The following PHKB variants were observed in gnomAD, a reference collection of about 807,000 sequenced individuals.
PHKB encodes the protein phosphorylase b kinase regulatory subunit beta.
A neutral mutation model predicts 152.1 loss-of-function variants in PHKB; 122 were observed. The ratio of observed to expected loss-of-function variants is 0.80; its 90% CI spans 0.69 to 0.93. The LOEUF is 0.93. PHKB is among the 40% of genes least tolerant of loss of function. PHKB has a pLI of 0.00. For synonymous variants in PHKB, 436 were observed against 464.9 expected (o/e 0.94, Z 0.80); for missense variants, 1,304 against 1,328.4 (o/e 0.98, Z 0.29).
intron 13 of PHKB, among the ~76,000 whole-genome samples, chr16:47,606,862 C>T (rs1167940508): frequency 6.6e-6 from 1 of 152,138 alleles, no homozygotes; most frequent in Non-Finnish European, 1.5e-5. Context: ...TAGTGCCTTC[C>T]TCCCCACTGC....
At chr16:47,510,874 GTA>G (rs1002906044) in intron 4 of PHKB, among the ~76,000 whole-genome samples, 3 of 152,028 alleles carry the variant, frequency 2.0e-5, no homozygotes, top group African/African-American at 7.2e-5. Flanking sequence ...TTACCTAGAG[GTA>G]TATATCTTTG....
At chr16:47,653,284 AT>A (rs1237148592) in intron 20 of PHKB, among the ~76,000 whole-genome samples, 1 of 152,276 alleles carries the variant, frequency 6.6e-6, no homozygotes, top group East Asian at 1.9e-4. Context: ...TAATCCTTGT[AT>A]CTCCTGCTCT....
At chr16:47,547,014 G>T (rs1971182183) in intron 6 of PHKB, among the ~76,000 whole-genome samples, 1 of 152,162 alleles carries the variant, frequency 6.6e-6, no homozygotes, top group Non-Finnish European at 1.5e-5. Context: ...GTCTGTCAAG[G>T]CTTCCCTTGG....
intron 13 of PHKB, among the ~76,000 whole-genome samples, chr16:47,600,788 T>C (rs904555725): frequency 6.6e-6 from 1 of 152,240 alleles, no homozygotes; most frequent in Non-Finnish European, 1.5e-5. Flanking sequence ...TACATGAAGA[T>C]ACAGTATTGT....
intron 7 of PHKB, 74 bp downstream of exon 7, chr16:47,547,622 A>T (rs1971196876): frequency 1.2e-6 from 1 of 854,092 alleles, no homozygotes; most frequent in African/African-American, 1.7e-5. Flanking sequence ...ATACTGAAGC[A>T]TTAGATTGGA....
At chr16:47,615,770 A>G (rs1009164813) in intron 14 of PHKB, among the ~76,000 whole-genome samples, 19 of 152,342 alleles carry the variant, frequency 1.2e-4, no homozygotes, top group African/African-American at 4.6e-4. Context: ...ATAGTGGATA[A>G]TGTATGTTCG....
intron 3 of PHKB, among the ~76,000 whole-genome samples, chr16:47,501,620 G>T (rs1370621225): frequency 6.6e-6 from 1 of 152,104 alleles, no homozygotes; most frequent in African/African-American, 2.4e-5. Context: ...AAACAATGAA[G>T]AAAATATTAT....
chr16:47,589,736 A>G (rs1255799633), intron 10 of PHKB, among the ~76,000 whole-genome samples: 1 of 152,224 alleles, frequency 6.6e-6, no homozygotes, highest in Non-Finnish European at 1.5e-5. Context: ...AGTCATGCAC[A>G]TTGCTGAAGA....
chr16:47,699,600 A>G lies in PHKB; in HGVS notation c.*234A>G. On this transcript the variant is annotated 3_prime_UTR_variant, in exon 31 of 31. Transcript: ENST00000323584. ...TCATGATTATGCCAACTATAATAGT[A>G]ATCCTCACTGAGTGATAAAAATAGT... 1.8e-6 allele frequency: 1 copy of G among 569,698 alleles called. No homozygotes were observed. The highest frequency in any genetic ancestry group is 3.2e-6 in the Non-Finnish European group (1 of 315,746). The allele number at this position is 569,698 out of a possible 1,614,324, so 35.3% of individuals were successfully genotyped here.
intron 1 of PHKB, among the ~76,000 whole-genome samples, chr16:47,465,273 T>C (rs1177586368): frequency 6.6e-6 from 1 of 152,236 alleles, no homozygotes; most frequent in Non-Finnish European, 1.5e-5. Flanking sequence ...CAAGCTCTGT[T>C]TTCCATCTTG....
At chr16:47,551,819 AG>A (rs1971275702) in intron 7 of PHKB, among the ~76,000 whole-genome samples, 2 of 152,190 alleles carry the variant, frequency 1.3e-5, no homozygotes, top group Non-Finnish European at 2.9e-5. Context: ...CGGGTGTTAA[AG>A]TCTTCCACTA....
chr16:47,465,718 C>A (rs911258735), intron 1 of PHKB, among the ~76,000 whole-genome samples: 2 of 152,210 alleles, frequency 1.3e-5, no homozygotes, highest in East Asian at 3.9e-4. Flanking sequence ...TGTGGCCTGT[C>A]GTGTTTGCAT....
chr16:47,654,050 T>A (rs558371572), intron 20 of PHKB, among the ~76,000 whole-genome samples: 16 of 152,326 alleles, frequency 1.1e-4, no homozygotes, highest in African/African-American at 3.8e-4. Context: ...GATAACATTA[T>A]CCAGAACCTC....
intron 6 of PHKB, chr16:47,529,885 C>G (rs773387249): frequency 2.0e-5 from 3 of 152,090 alleles, no homozygotes; most frequent in Non-Finnish European, 4.4e-5. Context: ...AAAATGGGAA[C>G]ATCCGTTAGT....
At chr16:47,693,548 C>T in intron 28 of PHKB, 41 bp downstream of exon 28, 1 of 1,608,150 alleles carries the variant, frequency 6.2e-7, no homozygotes, top group Non-Finnish European at 8.5e-7. Context: ...GGAGACTTCG[C>T]AAAGGGTAGT....
At chr16:47,658,034 C>T (rs1252556067) in intron 20 of PHKB, among the ~76,000 whole-genome samples, 1 of 152,162 alleles carries the variant, frequency 6.6e-6, no homozygotes, top group Admixed American at 6.5e-5. Flanking sequence ...GGTCATATAT[C>T]ATAAGCCTCC....
intron 13 of PHKB, among the ~76,000 whole-genome samples, chr16:47,599,820 G>A (rs1205298474): frequency 2.0e-5 from 3 of 152,130 alleles, no homozygotes; most frequent in Admixed American, 6.6e-5. Flanking sequence ...TTGTTATCTG[G>A]TTAACAACCC....
chr16:47,553,636 C>T (rs766266299), intron 7 of PHKB, among the ~76,000 whole-genome samples: 10 of 152,106 alleles, frequency 6.6e-5, no homozygotes, highest in East Asian at 1.9e-4. Context: ...GAAGTTTCAG[C>T]GTTTTTGCAC....
rs182398740 is a variant in PHKB at position 47,610,867 on chromosome 16, C to T, written c.1405C>T (p.Arg469Cys). 37 of 1,608,180 alleles carry T rather than the reference C, an allele frequency of 2.3e-5. No homozygotes were observed. Among genetic ancestry groups the T allele is most frequent in the Admixed American group, 3.3e-5 (2 of 59,940 alleles). The change falls in exon 14 of 31, where the codon CGC becomes TGC. Residue 469 changes from arginine to cysteine, a missense_variant. Transcript: ENST00000323584. ...TCCTAAAGACATTGATCCTGTCCAG[C>T]GCTATGTCCCACTAAAGGATCAACG... ...ISPKDIDPVQ[R>C]YVPLKDQRNV...
Sources: gnomAD v4.1 joint callset for allele counts (sites outside exome capture counted in the v4.1 genomes callset) on GRCh38, gnomAD v4.1.1 for gene constraint, MANE v1.5 for transcripts, NCBI Gene and HGNC (gene_info 2026-07-23, HGNC 2026-07-21) for gene names.